Variants in SLC35C1 observed in about 807,000 individuals in gnomAD.
SLC35C1 encodes solute carrier family 35 member C1.
In SLC35C1, 8 loss-of-function variants were observed where a neutral mutation model predicts 23.2. That is an observed-to-expected ratio of 0.35 (90% CI 0.20 to 0.62). SLC35C1 has a LOEUF of 0.62. Among genes scored for constraint, SLC35C1 ranks in the 20% least tolerant of loss-of-function variants. The pLI, the probability that SLC35C1 is intolerant of heterozygous loss-of-function variation, is 0.75. For synonymous variants in SLC35C1, 226 were observed against 225.1 expected, an observed-to-expected ratio of 1.00 and a Z score of -0.04; for missense variants, 422 against 478.6, an observed-to-expected ratio of 0.88 and a Z score of 1.10.
chr11:45,812,797 CAG>C lies in SLC35C1; in HGVS notation c.*1463_*1464del, dbSNP rs1173857682. The C allele has an allele frequency of 7.7e-6, 3 of 388,636 alleles. No homozygotes were observed. Among genetic ancestry groups the C allele is most frequent in the Non-Finnish European group, 1.5e-5 (3 of 193,550 alleles). 24.1% of individuals were successfully genotyped at this position (388,636 alleles called of 1,614,324 possible). A position where few individuals can be genotyped will look rare whatever the true frequency, so the allele number is the denominator to read the frequency against. ...ACCCTTCACCACACCCTCCTGCGCT[CAG>C]GGTGGCTTGCAGTCCCTGGCCCTTC... On this transcript the variant is annotated 3_prime_UTR_variant, in exon 2 of 2. Coordinates refer to ENST00000314134, the MANE Select transcript of SLC35C1 (RefSeq NM_018389.5).
intron 1 of SLC35C1, chr11:45,806,796 G>T (rs1290922789): frequency 2.2e-5 from 14 of 647,434 alleles, no homozygotes; most frequent in Non-Finnish European, 2.5e-5. Context: ...TCACATGCCC[G>T]ACCACTGTAC....
intron 1 of SLC35C1, among the ~76,000 whole-genome samples, chr11:45,808,715 T>C (rs1228715857): frequency 1.3e-5 from 2 of 151,186 alleles, no homozygotes; most frequent in Admixed American, 6.6e-5. Context: ...TCGGGCTCTG[T>C]GGTTGGGCTG....
upstream of SLC35C1, chr11:45,804,722 G>A (rs1006845599): frequency 1.0e-6 from 1 of 985,606 alleles, no homozygotes; most frequent in African/African-American, 1.7e-5. Flanking sequence ...ACATTGTTAT[G>A]GAAGAGTGAG....
At position 45,805,186 on chromosome 11, in the gene SLC35C1, A is replaced by T. The variant is rs1469154763; in HGVS notation, c.-616A>T. ...GAGGCTCCTGGGCTGAGCCGGCGAC[A>T]GAGCCCGGGAAGGCAGCGAGACGTG... On this transcript the variant is annotated 5_prime_UTR_variant, in exon 1 of 2. Coordinates refer to ENST00000314134, the MANE Select transcript of SLC35C1 (RefSeq NM_018389.5). 1 of 990,628 alleles carries T rather than the reference A, an allele frequency of 1.0e-6. No homozygotes were observed. Among genetic ancestry groups the T allele is most frequent in the Non-Finnish European group, 1.2e-6 (1 of 832,808 alleles). 61.4% of individuals were successfully genotyped at this position (990,628 alleles called of 1,614,324 possible). A position where few individuals can be genotyped will look rare whatever the true frequency, so the allele number is the denominator to read the frequency against.
rs1345654405 is a variant in SLC35C1 at position 45,806,327 on chromosome 11, A to G, written c.526A>G (p.Ile176Val). The part of the protein sequence containing the change: ...TSFYALLTCG[I>V]IIGGFWLGVD... ...CTTCTATGCCCTGCTCACCTGCGGT[A>G]TCATCATCGGTGAGTGGCAGCTGGG... Residue 176 changes from isoleucine to valine, a missense_variant, in exon 1 of 2, where the codon ATC (isoleucine) becomes GTC (valine). Ile to Val is a conservative substitution (Grantham distance 29, BLOSUM62 3). Transcript: ENST00000314134. 4 of 1,612,718 alleles carry G rather than the reference A, an allele frequency of 2.5e-6. No homozygotes were observed. Among genetic ancestry groups the G allele is most frequent in the East Asian group, 4.5e-5 (2 of 44,890 alleles).
intron 1 of SLC35C1, among the ~76,000 whole-genome samples, chr11:45,807,978 A>G (rs949017888): frequency 2.0e-5 from 3 of 152,188 alleles, no homozygotes; most frequent in Non-Finnish European, 2.9e-5. Flanking sequence ...ACTGGGCCCA[A>G]ATCCCAAAGG....
At chr11:45,807,659 T>C (rs899138421) in intron 1 of SLC35C1, among the ~76,000 whole-genome samples, 1 of 152,226 alleles carries the variant, frequency 6.6e-6, no homozygotes, top group Non-Finnish European at 1.5e-5. Flanking sequence ...CCATGCCACC[T>C]GTCCTAGAAA....
Position 45,812,487 on chromosome 11 carries a change from G to A in SLC35C1, c.*1152G>A. 1 of 454,242 alleles carries A rather than the reference G, an allele frequency of 2.2e-6. No individual in the cohort carries two copies. Among genetic ancestry groups the A allele is most frequent in the African/African-American group, 2.0e-5 (1 of 50,172 alleles). The allele number at this position is 454,242 out of a possible 1,614,324, so 28.1% of individuals were successfully genotyped here. ...GTATTGCTCACAGTCCTGGGGGGCTGGGACGCCCAAGATCAAGAGGCCAGC... is the reference window on the plus strand; with the variant it reads ...GTATTGCTCACAGTCCTGGGGGGCTAGGACGCCCAAGATCAAGAGGCCAGC... On this transcript the variant is annotated 3_prime_UTR_variant, in exon 2 of 2. Transcript: ENST00000314134.
chr11:45,810,423 C>T (rs1438285465), intron 1 of SLC35C1: 1 of 985,304 alleles, frequency 1.0e-6, no homozygotes, highest in Non-Finnish European at 1.2e-6. Flanking sequence ...CCAGCACAGT[C>T]GCCCACTTAC....
Position 45,805,339 on chromosome 11 carries a change from G to A in SLC35C1, c.-463G>A. 1 of 162,254 alleles carries A rather than the reference G, an allele frequency of 6.2e-6. No homozygotes were observed. The highest frequency in any genetic ancestry group is 7.2e-6 in the Non-Finnish European group (1 of 138,782). 10.1% of individuals were successfully genotyped at this position (162,254 alleles called of 1,614,324 possible). ...CCTGTACGCCTCCCTCCCCCTGCCC[G>A]CCCCTCCCTCCCACAGCCGCCCATG... On this transcript the variant is annotated 5_prime_UTR_variant, in exon 1 of 2. Coordinates refer to ENST00000314134, the MANE Select transcript of SLC35C1 (RefSeq NM_018389.5).
rs2085949694 is a variant in SLC35C1, at chr11:45,811,647, C to T, written c.*312C>T. On this transcript the variant is annotated 3_prime_UTR_variant, in exon 2 of 2. Coordinates refer to ENST00000314134, the MANE Select transcript of SLC35C1 (RefSeq NM_018389.5). The stretch of plus-strand genomic sequence containing the variant: ...GAGTTGAACCCCTTCCTTCTGCCTC[C>T]AGGGCCTGTCTGCCTCCACATCACT... 1.0e-5 allele frequency: 3 copies of T among 289,546 alleles called. No individual in the cohort carries two copies. The highest frequency in any genetic ancestry group is 4.3e-5 in the African/African-American group (2 of 46,444). 17.9% of individuals were successfully genotyped at this position (289,546 alleles called of 1,614,324 possible).
At chr11:45,806,430 C>A in intron 1 of SLC35C1, 94 bp downstream of exon 1, 1 of 1,470,878 alleles carries the variant, frequency 6.8e-7, no homozygotes, top group Non-Finnish European at 9.2e-7. Context: ...CTTCATCTGT[C>A]CCAGCTCCTT....
intron 1 of SLC35C1, among the ~76,000 whole-genome samples, chr11:45,806,585 T>C (rs552631477): frequency 6.6e-6 from 1 of 152,320 alleles, no homozygotes; most frequent in East Asian, 1.9e-4. Context: ...GCAACTGACA[T>C]TTGTTGAGTG....
At position 45,805,361 on chromosome 11, in the gene SLC35C1, C is replaced by G. The variant is rs1228015122; in HGVS notation, c.-441C>G. The stretch of plus-strand genomic sequence containing the variant: ...CCCGCCCCTCCCTCCCACAGCCGCC[C>G]ATGACGCCCTCTCGGCACCTCTTCC... On this transcript the variant is annotated 5_prime_UTR_variant, in exon 1 of 2. Coordinates refer to ENST00000314134, the MANE Select transcript of SLC35C1 (RefSeq NM_018389.5). 1.5e-4 allele frequency: 148 copies of G among 1,003,148 alleles called. No homozygotes were observed. Among genetic ancestry groups the G allele is most frequent in the Non-Finnish European group, 1.7e-4 (146 of 840,148 alleles). 62.1% of individuals were successfully genotyped at this position (1,003,148 alleles called of 1,614,324 possible).
chr11:45,810,699 C>CT, intron 1 of SLC35C1, 77 bp from the exon 2 acceptor site: 1 of 1,535,952 alleles, frequency 6.5e-7, no homozygotes, highest in Non-Finnish European at 8.7e-7. Context: ...AATTTGGTGT[C>CT]TGATCCTCTG....
chr11:45,812,565 G>A lies in SLC35C1; in HGVS notation c.*1230G>A, dbSNP rs1345775084. ...CCCGATCCATAGATGGTGCCTTCTC[G>A]CTGTATCCTCAATGGTAGAAGCACA... On this transcript the variant is annotated 3_prime_UTR_variant, in exon 2 of 2. Transcript: ENST00000314134. 1.8e-5 allele frequency: 8 copies of A among 455,876 alleles called. No homozygotes were observed. Among genetic ancestry groups the A allele is most frequent in the Non-Finnish European group, 2.6e-5 (6 of 226,788 alleles). The allele number at this position is 455,876 out of a possible 1,614,324, so 28.2% of individuals were successfully genotyped here. A position where few individuals can be genotyped will look rare whatever the true frequency, so the allele number is the denominator to read the frequency against.
chr11:45,804,950 A>G, upstream of SLC35C1: 1 of 985,574 alleles, frequency 1.0e-6, no homozygotes, highest in Non-Finnish European at 1.2e-6. Context: ...GGCGAGGCTC[A>G]AGCACCCAGA....
chr11:45,806,200 C>A lies in SLC35C1; in HGVS notation c.399C>A (p.Leu133=). ...VFIGMITFNN[L]CLKYVGVAFY... Reference sequence around the variant, plus strand: ...TCGGCATGATCACCTTCAATAACCTCTGCCTCAAGTACGTCGGTGTGGCCT... The same window carrying A: ...TCGGCATGATCACCTTCAATAACCTATGCCTCAAGTACGTCGGTGTGGCCT... Residue 133 remains leucine, a synonymous_variant, in exon 1 of 2, where the codon CTC becomes CTA. Coordinates refer to ENST00000314134, the MANE Select transcript of SLC35C1 (RefSeq NM_018389.5). The A allele has an allele frequency of 6.2e-7, 1 of 1,605,684 alleles. No individual in the cohort carries two copies. Among genetic ancestry groups the A allele is most frequent in the Non-Finnish European group, 8.5e-7 (1 of 1,180,000 alleles).
In SLC35C1 at chr11:45,810,870, G is replaced by T. The variant is rs200577486; in HGVS notation, c.630G>T (p.Ser210=). The T allele has an allele frequency of 6.2e-7, 1 of 1,612,170 alleles. No individual in the cohort carries two copies. Among genetic ancestry groups the T allele is most frequent in the East Asian group, 2.2e-5 (1 of 44,876 alleles). Reference sequence around the variant, plus strand: ...GCGTGCTGGCTAGCCTCTGTGTCTCGCTCAACGCCATCTACACCACGAAGG... The same window carrying T: ...GCGTGCTGGCTAGCCTCTGTGTCTCTCTCAACGCCATCTACACCACGAAGG... The part of the protein sequence containing the change: ...VFGVLASLCV[S]LNAIYTTKVL... The change falls in exon 2 of 2, where the codon TCG becomes TCT. Residue 210 remains serine (S), a synonymous_variant. Transcript: ENST00000314134.
Sources: gnomAD v4.1 joint callset for allele counts (sites outside exome capture counted in the v4.1 genomes callset) on GRCh38, gnomAD v4.1.1 for gene constraint, MANE v1.5 for transcripts, NCBI Gene and HGNC (gene_info 2026-07-23, HGNC 2026-07-21) for gene names.